Variants in HS3ST4 observed in about 807,000 individuals in gnomAD.
HS3ST4 encodes the protein heparan sulfate-glucosamine 3-sulfotransferase 4.
HS3ST4 carries 17 observed loss-of-function variants against 29.2 expected under a neutral mutation model. That is an observed-to-expected ratio of 0.58 (90% CI 0.40 to 0.87). The LOEUF is 0.87. HS3ST4 is among the 40% of genes least tolerant of loss of function. The pLI is 0.00. For missense variants in HS3ST4, 627 were observed against 634.5 expected, an observed-to-expected ratio of 0.99 and a Z score of 0.13; for synonymous variants, 314 against 285.7, an observed-to-expected ratio of 1.10 and a Z score of -1.00.
rs1291315009 is a variant in HS3ST4, at chr16:26,053,824, A to G, written c.735-81788A>G. Among the ~76,000 whole-genome samples, 6 of 152,298 alleles carry G rather than the reference A, an allele frequency of 3.9e-5. No homozygotes were observed. In the South Asian group the frequency reaches 8.3e-4, roughly 21 times the overall value. On this transcript the variant is annotated intron_variant, in intron 1 of 1. Coordinates refer to ENST00000331351, the MANE Select transcript of HS3ST4 (RefSeq NM_006040.3). ...TTTATGCAAGTGTAACAATACCACC[A>G]TTTTGTGGTGGTTGCGGTAACATCC... is the stretch of plus-strand genomic sequence containing the variant.
intron 1 of HS3ST4, among the ~76,000 whole-genome samples, chr16:25,909,741 G>T (rs968023905): frequency 6.6e-6 from 1 of 152,166 alleles, no homozygotes; most frequent in Admixed American, 6.5e-5. Flanking sequence ...GAGTCTCTTT[G>T]AACAAGTGTG....
intron 1 of HS3ST4, among the ~76,000 whole-genome samples, chr16:25,840,222 T>C (rs1223249638): frequency 2.0e-5 from 3 of 152,236 alleles, no homozygotes; most frequent in Non-Finnish European, 4.4e-5. Context: ...CTTAAATCTC[T>C]TTGACATAAA....
intron 1 of HS3ST4, among the ~76,000 whole-genome samples, chr16:25,725,552 C>T (rs1966529233): frequency 6.6e-6 from 1 of 151,664 alleles, no homozygotes; most frequent in African/African-American, 2.4e-5. Context: ...TAGTATAATC[C>T]CAAATTTGAG....
In HS3ST4 at chr16:25,818,467, A is replaced by G. The variant is rs74014113; in HGVS notation, c.734+125316A>G. 5.7e-3 allele frequency among the ~76,000 whole-genome samples: 875 copies of G among 152,246 alleles called. 15 individuals carry two copies. The highest frequency in any genetic ancestry group is 0.02 in the African/African-American group (835 of 41,550). ...AATAAACTTCTGTTGTTTAAAAGCT[A>G]CTCAGTTTCTGGTATTTTTTGTAGC... On this transcript the variant is annotated intron_variant, in intron 1 of 1. Coordinates refer to ENST00000331351, the MANE Select transcript of HS3ST4 (RefSeq NM_006040.3).
chr16:25,904,652 A>G (rs957809982), intron 1 of HS3ST4, among the ~76,000 whole-genome samples: 5 of 152,280 alleles, frequency 3.3e-5, no homozygotes, highest in Middle Eastern at 3.4e-3. Flanking sequence ...AAGTCTTTCA[A>G]TATAGCTTGG....
chr16:25,929,210 C>T (rs1254239022), intron 1 of HS3ST4, among the ~76,000 whole-genome samples: 1 of 151,834 alleles, frequency 6.6e-6, no homozygotes, highest in East Asian at 1.9e-4. Flanking sequence ...GGTAAAACCC[C>T]GTCTCTACTA....
At chr16:26,108,555 G>A (rs184083193) in intron 1 of HS3ST4, among the ~76,000 whole-genome samples, 1 of 152,282 alleles carries the variant, frequency 6.6e-6, no homozygotes, top group Non-Finnish European at 1.5e-5. Context: ...CTGCCAGCTA[G>A]GTGACCTTGG....
chr16:26,103,669 A>T (rs1157388328), intron 1 of HS3ST4, among the ~76,000 whole-genome samples: 1 of 152,194 alleles, frequency 6.6e-6, no homozygotes, highest in Non-Finnish European at 1.5e-5. Flanking sequence ...TTTAATCAAA[A>T]TCTCCCCAGC....
intron 1 of HS3ST4, among the ~76,000 whole-genome samples, chr16:26,033,985 C>A (rs1969558645): frequency 6.6e-6 from 1 of 152,192 alleles, no homozygotes; most frequent in South Asian, 2.1e-4. Context: ...AACAAATATT[C>A]TCCCAGTCCA....
At chr16:25,956,096 G>A (rs564847675) in intron 1 of HS3ST4, among the ~76,000 whole-genome samples, 1 of 152,276 alleles carries the variant, frequency 6.6e-6, no homozygotes, top group Non-Finnish European at 1.5e-5. Flanking sequence ...GATTACGGGT[G>A]TGAGCCACCA....
At chr16:25,898,001 C>T (rs963987193) in intron 1 of HS3ST4, among the ~76,000 whole-genome samples, 8 of 152,198 alleles carry the variant, frequency 5.3e-5, no homozygotes, top group South Asian at 2.1e-4. Flanking sequence ...TGAGTAGATC[C>T]GCGCAGGCGA....
chr16:25,876,725 G>A (rs994896874), intron 1 of HS3ST4, among the ~76,000 whole-genome samples: 2 of 152,090 alleles, frequency 1.3e-5, no homozygotes, highest in Admixed American at 1.3e-4. Context: ...GTTAGAAAGA[G>A]GAAGGATGAA....
chr16:25,958,956 C>CA (rs1968765670), intron 1 of HS3ST4, among the ~76,000 whole-genome samples: 1 of 152,184 alleles, frequency 6.6e-6, no homozygotes, highest in Non-Finnish European at 1.5e-5. Flanking sequence ...GTATCGTAAC[C>CA]ATAATAAGTT....
chr16:26,082,453 A>C (rs1023269158), intron 1 of HS3ST4, among the ~76,000 whole-genome samples: 2 of 152,210 alleles, frequency 1.3e-5, no homozygotes, highest in African/African-American at 4.8e-5. Flanking sequence ...ATAGGATCAG[A>C]GAGACTGGGT....
At chr16:25,949,691 T>C (rs1328782059) in intron 1 of HS3ST4, among the ~76,000 whole-genome samples, 1 of 152,106 alleles carries the variant, frequency 6.6e-6, no homozygotes, top group East Asian at 1.9e-4. Flanking sequence ...AGAAATATCA[T>C]GAATAAGGGG....
chr16:26,053,135 C>G (rs968937157), intron 1 of HS3ST4, among the ~76,000 whole-genome samples: 3 of 152,194 alleles, frequency 2.0e-5, no homozygotes, highest in South Asian at 2.1e-4. Context: ...GATATTCTCC[C>G]GAGATGCTTT....
intron 1 of HS3ST4, among the ~76,000 whole-genome samples, chr16:25,908,976 G>A (rs535800905): frequency 6.6e-6 from 1 of 152,266 alleles, no homozygotes; most frequent in African/African-American, 2.4e-5. Context: ...GCTGTGCTGG[G>A]CACACAGCCT....
intron 1 of HS3ST4, among the ~76,000 whole-genome samples, chr16:26,004,222 A>G (rs1487134973): frequency 1.3e-5 from 2 of 152,184 alleles, no homozygotes; most frequent in African/African-American, 4.8e-5. Context: ...ACAGATATCC[A>G]GCAGTAAGGG....
intron 1 of HS3ST4, among the ~76,000 whole-genome samples, chr16:25,706,778 A>G (rs989280744): frequency 1.1e-4 from 17 of 152,238 alleles, no homozygotes; most frequent in Non-Finnish European, 1.8e-4. Context: ...TTATGAACCA[A>G]CTGACTTTAA....
Sources: allele counts gnomAD v4.1 joint callset (sites outside exome capture counted in the v4.1 genomes callset), GRCh38; gene constraint gnomAD v4.1.1; transcripts MANE v1.5; gene names NCBI Gene and HGNC (gene_info 2026-07-23, HGNC 2026-07-21).